The following RARS2 variants were observed in gnomAD, a reference collection of about 807,000 sequenced individuals.
The protein encoded by RARS2 is probable arginine--tRNA ligase, mitochondrial.
RARS2 carries 67 observed loss-of-function variants against 88.5 expected under a neutral mutation model. The observed-to-expected ratio is 0.76, with a 90% confidence interval of 0.62 to 0.93. The LOEUF is 0.93. Ranked by LOEUF, RARS2 falls within the 40% of genes least tolerant of loss-of-function variation. The pLI, the probability that RARS2 is intolerant of heterozygous loss-of-function variation, is 0.00. For synonymous variants in RARS2, 239 were observed against 230.3 expected, an observed-to-expected ratio of 1.04 and a Z score of -0.34; for missense variants, 664 against 684.2, an observed-to-expected ratio of 0.97 and a Z score of 0.33.
At chr6:87,521,014 G>A (rs910267) in intron 12 of RARS2, among the ~76,000 whole-genome samples, 62,924 of 151,894 alleles carry the variant, frequency 0.41, 13,126 homozygotes, top group Admixed American at 0.48. Context: ...AAAAGCTGGC[G>A]AAATTTCAGT....
chr6:87,541,421 C>T (rs1341516369), intron 8 of RARS2, among the ~76,000 whole-genome samples: 1 of 152,208 alleles, frequency 6.6e-6, no homozygotes, highest in African/African-American at 2.4e-5. Context: ...AAGCAATCCT[C>T]CTGCCTTGGC....
At chr6:87,533,715 T>C (rs1778283684) in intron 8 of RARS2, among the ~76,000 whole-genome samples, 1 of 152,216 alleles carries the variant, frequency 6.6e-6, no homozygotes, top group Non-Finnish European at 1.5e-5. Flanking sequence ...GCCTGCCAAA[T>C]AGCGTAACAT....
At chr6:87,521,261 A>C (rs1483444411) in intron 12 of RARS2, among the ~76,000 whole-genome samples, 1 of 152,204 alleles carries the variant, frequency 6.6e-6, no homozygotes, top group East Asian at 1.9e-4. Flanking sequence ...TTACTGATTC[A>C]GGTAATTTTT....
chr6:87,576,997 A>C (rs1771778739), intron 1 of RARS2, among the ~76,000 whole-genome samples: 1 of 152,252 alleles, frequency 6.6e-6, no homozygotes, highest in South Asian at 2.1e-4. Context: ...GAAGTTGCAA[A>C]GTAGTGTGTT....
At position 87,518,644 on chromosome 6, in the gene RARS2, G is replaced by GT. The variant is rs1478407160; in HGVS notation, c.1400dup (p.His467GlnfsTer18). On this transcript the variant is annotated frameshift_variant, in exon 16 of 20. Transcript: ENST00000369536. LOFTEE classifies it high-confidence loss of function. ...CCTCTTCTCACCTGTGGAGGCGGGC[G>GT]TGTGTGTACTGTAGGAAGACTCCTG... 1.9e-6 allele frequency: 3 copies of GT among 1,612,654 alleles called. No homozygotes were observed. The highest frequency in any genetic ancestry group is 2.2e-5 in the South Asian group (2 of 91,038).
At chr6:87,546,052 G>A (rs1040104850) in intron 6 of RARS2, among the ~76,000 whole-genome samples, 1 of 151,590 alleles carries the variant, frequency 6.6e-6, no homozygotes, top group African/African-American at 2.4e-5. Flanking sequence ...ATTTGTCTGT[G>A]CCCTAAGAAC....
chr6:87,562,509 C>A (rs980920561), intron 4 of RARS2, among the ~76,000 whole-genome samples, 193 bp downstream of exon 4: 6 of 152,136 alleles, frequency 3.9e-5, no homozygotes, highest in African/African-American at 1.4e-4. Flanking sequence ...CAGAAAGCTA[C>A]TGCCAAAGAA....
intron 16 of RARS2, 167 bp downstream of exon 16, chr6:87,518,463 G>T (rs1772549257): frequency 2.2e-6 from 3 of 1,362,678 alleles, no homozygotes; most frequent in East Asian, 5.0e-5. Flanking sequence ...TTCTAACATA[G>T]GTGCTCAATA....
chr6:87,519,600 T>C lies in RARS2; in HGVS notation c.1220A>G (p.Asn407Ser). Reference protein sequence around the residue: ...LNEIQLRMLQNMASIKTTKEL... With the variant: ...LNEIQLRMLQSMASIKTTKEL... ...GAATTCACTCTTAATTGAAGCCATG[T>C]TCTGTAGCATCCTTAATTGAATCTC... is the stretch of plus-strand genomic sequence containing the variant. The change falls in exon 14 of 20, where the codon AAC becomes AGC. Residue 407 changes from asparagine (N) to serine (S), a missense_variant. Physicochemically the swap from Asn to Ser is conservative, Grantham distance 46. Transcript: ENST00000369536. 6.2e-7 allele frequency: 1 copy of C among 1,612,686 alleles called. No individual in the cohort carries two copies. Among genetic ancestry groups the C allele is most frequent in the South Asian group, 1.1e-5 (1 of 91,064 alleles).
intron 1 of RARS2, among the ~76,000 whole-genome samples, chr6:87,576,549 T>C (rs1771635880): frequency 6.6e-6 from 1 of 150,814 alleles, no homozygotes. Flanking sequence ...GTGCTGGGAT[T>C]ACAGGCGTGA....
At chr6:87,517,075 G>C (rs1171551123) in intron 17 of RARS2, among the ~76,000 whole-genome samples, 195 bp from the exon 18 acceptor site, 1 of 152,154 alleles carries the variant, frequency 6.6e-6, no homozygotes, top group Admixed American at 6.5e-5. Context: ...TCAGGAGTTT[G>C]AGAGCAGCCT....
chr6:87,544,986 A>T (rs994182009), intron 7 of RARS2, among the ~76,000 whole-genome samples: 1 of 152,198 alleles, frequency 6.6e-6, no homozygotes, highest in Non-Finnish European at 1.5e-5. Context: ...TGTGGTTGAG[A>T]AAGGTGTACA....
intron 6 of RARS2, among the ~76,000 whole-genome samples, chr6:87,547,169 C>G (rs989733732): frequency 6.6e-6 from 1 of 152,142 alleles, no homozygotes; most frequent in Non-Finnish European, 1.5e-5. Flanking sequence ...CTAACTGGTC[C>G]AAATATTTCC....
chr6:87,587,233 T>C (rs1009379809), intron 1 of RARS2, among the ~76,000 whole-genome samples: 5 of 152,224 alleles, frequency 3.3e-5, no homozygotes, highest in Middle Eastern at 3.2e-3. Context: ...CAATTTCCAA[T>C]TGAGCTCCAA....
rs759898770 is a variant in RARS2 at position 87,589,967 on chromosome 6, T to G, written c.-10A>C. 6.2e-7 allele frequency: 1 copy of G among 1,614,122 alleles called. No individual in the cohort carries two copies. Among genetic ancestry groups the G allele is most frequent in the Non-Finnish European group, 8.5e-7 (1 of 1,180,048 alleles). ...GAAAGCCGCACGCCATGTCCACCTC[T>G]ACGGAAGTGCGCCGCAGTCCGCCAG... On this transcript the variant is annotated 5_prime_UTR_variant, in exon 1 of 20. Transcript: ENST00000369536.
At chr6:87,573,137 A>T (rs1429890961) in intron 1 of RARS2, among the ~76,000 whole-genome samples, 1 of 152,218 alleles carries the variant, frequency 6.6e-6, no homozygotes, top group East Asian at 1.9e-4. Flanking sequence ...TACTTGGCTC[A>T]TGGTTCCACA....
chr6:87,580,468 G>C (rs890558397), intron 1 of RARS2, among the ~76,000 whole-genome samples: 3 of 151,904 alleles, frequency 2.0e-5, no homozygotes, highest in African/African-American at 7.3e-5. Flanking sequence ...GAGCAAATCT[G>C]AGGTTGAAAG....
Position 87,547,380 on chromosome 6 carries a change from C to T in RARS2, c.451+1211G>A, listed in dbSNP as rs1014729964. 5.3e-5 allele frequency among the ~76,000 whole-genome samples: 8 copies of T among 152,124 alleles called. No homozygotes were observed. The South Asian group carries it at 1.2e-3, about 24-fold the overall frequency. The stretch of plus-strand genomic sequence containing the variant: ...TCTATGCCACAAGTACTAATTTCTC[C>T]AATTCTGAAAAGTATTGAAGTACAG... On this transcript the variant is annotated intron_variant, in intron 6 of 19. Transcript: ENST00000369536.
chr6:87,545,559 G>C (rs1321721784), intron 7 of RARS2, 57 bp downstream of exon 7: 1 of 1,605,644 alleles, frequency 6.2e-7, no homozygotes, highest in Non-Finnish European at 8.5e-7. Context: ...CCAGATCAAA[G>C]TTTTTACAAA....
Sources: gnomAD v4.1 joint callset for allele counts (sites outside exome capture counted in the v4.1 genomes callset) on GRCh38, gnomAD v4.1.1 for gene constraint, MANE v1.5 for transcripts, NCBI Gene and HGNC (gene_info 2026-07-23, HGNC 2026-07-21) for gene names.